The following GDAP1 variants were observed in gnomAD, a reference collection of about 807,000 sequenced individuals.
GDAP1 encodes the protein ganglioside induced differentiation associated protein 1.
Under a neutral mutation model 40.1 loss-of-function variants are expected in GDAP1, and 34 were observed. The ratio of observed to expected loss-of-function variants is 0.85; its 90% CI spans 0.64 to 1.13. The LOEUF is 1.13. Among genes scored for constraint, GDAP1 ranks in the 50% most tolerant of loss-of-function variants. The pLI is 0.00. For synonymous variants in GDAP1, 170 were observed against 157.4 expected (o/e 1.08, Z -0.60); for missense variants, 374 against 433.7 (o/e 0.86, Z 1.22).
chr8:74,407,358 G>T (rs1312470656), intron 2 of GDAP1, among the ~76,000 whole-genome samples: 2 of 149,856 alleles, frequency 1.3e-5, no homozygotes, highest in Admixed American at 6.6e-5. Context: ...TAACATTTGA[G>T]TCCGTTTACT....
chr8:74,372,660 A>G (rs1295527712), intron 2 of GDAP1, among the ~76,000 whole-genome samples: 2 of 152,054 alleles, frequency 1.3e-5, no homozygotes, highest in Non-Finnish European at 2.9e-5. Context: ...TAGATTCTGG[A>G]TATTAGCCCT....
At chr8:74,464,205 A>T (rs1298402419) in intron 2 of GDAP1, among the ~76,000 whole-genome samples, 1 of 152,214 alleles carries the variant, frequency 6.6e-6, no homozygotes, top group Non-Finnish European at 1.5e-5. Context: ...TGGAATGATT[A>T]GTCAAAGTAG....
intron 4 of GDAP1, 61 bp from the exon 5 acceptor site, chr8:74,362,878 G>T: frequency 4.6e-6 from 3 of 654,904 alleles, no homozygotes; most frequent in Non-Finnish European, 8.4e-6. Flanking sequence ...GCTTTACCTA[G>T]ATTTATTTTT....
At chr8:74,460,627 G>T (rs1295181522) in intron 2 of GDAP1, among the ~76,000 whole-genome samples, 1 of 152,178 alleles carries the variant, frequency 6.6e-6, no homozygotes, top group Non-Finnish European at 1.5e-5. Flanking sequence ...AGGGAGTAAA[G>T]GAGGGCCCAG....
intron 2 of GDAP1, among the ~76,000 whole-genome samples, chr8:74,393,249 A>G (rs1810139134): frequency 6.6e-6 from 1 of 152,296 alleles, no homozygotes; most frequent in South Asian, 2.1e-4. Flanking sequence ...CACAAAAAGA[A>G]CCTGGCAATT....
intron 2 of GDAP1, among the ~76,000 whole-genome samples, chr8:74,416,179 C>T (rs1805775672): frequency 6.7e-6 from 1 of 149,948 alleles, no homozygotes; most frequent in Admixed American, 6.6e-5. Context: ...ACTTATTGTG[C>T]CATATGTGGG....
chr8:74,390,839 C>G (rs1810097553), intron 2 of GDAP1, among the ~76,000 whole-genome samples: 1 of 152,190 alleles, frequency 6.6e-6, no homozygotes, highest in Non-Finnish European at 1.5e-5. Flanking sequence ...ATCTATAAGC[C>G]CGTTACTGGG....
chr8:74,427,893 ATAATTT>A (rs1805968741), intron 2 of GDAP1, among the ~76,000 whole-genome samples: 1 of 152,218 alleles, frequency 6.6e-6, no homozygotes, highest in African/African-American at 2.4e-5. Context: ...ATTTTTAAAA[ATAATTT>A]TAAAATTTAG....
In GDAP1 at chr8:74,440,226, T is replaced by G. The variant is rs150892411; in HGVS notation, c.166-48452T>G. On this transcript the variant is annotated intron_variant, in intron 2 of 2. Coordinates refer to the GDAP1 transcript ENST00000523640. Reference sequence around the variant, plus strand: ...GCATGAGTTTGGAGCCATTTTTACATTGGTCACTAAGTCTGGAGGATTCCT... The same window carrying G: ...GCATGAGTTTGGAGCCATTTTTACAGTGGTCACTAAGTCTGGAGGATTCCT... Among the ~76,000 whole-genome samples the G allele has an allele frequency of 2.5e-3, 387 of 152,278 alleles. 1 individual carries two copies. Among genetic ancestry groups the G allele is most frequent in the African/African-American group, 8.3e-3 (344 of 41,556 alleles).
chr8:74,379,806 T>A (rs1325088944), intron 2 of GDAP1, among the ~76,000 whole-genome samples: 1 of 152,152 alleles, frequency 6.6e-6, no homozygotes, highest in African/African-American at 2.4e-5. Flanking sequence ...TGCCCAAGAA[T>A]GACACGTATC....
chr8:74,360,327 A>G lies in GDAP1; in HGVS notation c.484+17A>G. The G allele has an allele frequency of 6.2e-7, 1 of 1,601,558 alleles. No homozygotes were observed. The highest frequency in any genetic ancestry group is 8.6e-7 in the Non-Finnish European group (1 of 1,168,502). On this transcript the variant is annotated intron_variant, in intron 3 of 5. Transcript: ENST00000220822. The stretch of plus-strand genomic sequence containing the variant: ...GGATTCGTAGTATGTAAACATTTTA[A>G]AGACCTGGAATTCTGTCTGACACTT...
intron 3 of GDAP1, among the ~76,000 whole-genome samples, chr8:74,360,890 G>A (rs1240268634): frequency 6.6e-6 from 1 of 152,190 alleles, no homozygotes; most frequent in Admixed American, 6.5e-5. Flanking sequence ...GAGATAAGAA[G>A]GGAAAGGATT....
At position 74,382,376 on chromosome 8, in the gene GDAP1, G is replaced by GT. The variant is rs5892456; in HGVS notation, c.165+31068dup. Reference sequence around the variant, plus strand: ...ATAGGAAGTTTCCTCATTGCTAGTGGTTTTTTTTTTTTTCTAGATCTTTTC... The same window carrying GT: ...ATAGGAAGTTTCCTCATTGCTAGTGGTTTTTTTTTTTTTTCTAGATCTTTTC... On this transcript the variant is annotated intron_variant, in intron 2 of 2. Coordinates refer to the GDAP1 transcript ENST00000523640. Among the ~76,000 whole-genome samples, 844 of 141,928 alleles carry GT rather than the reference G, an allele frequency of 5.9e-3. 9 individuals carry two copies. Among genetic ancestry groups the GT allele is most frequent in the Middle Eastern group, 0.015 (4 of 268 alleles). 93.1% of individuals were successfully genotyped at this position (141,928 alleles called of 152,430 possible).
chr8:74,469,015 A>C (rs980918028), intron 2 of GDAP1, among the ~76,000 whole-genome samples: 15 of 152,138 alleles, frequency 9.9e-5, no homozygotes, highest in African/African-American at 3.6e-4. Flanking sequence ...CAGGGAGATG[A>C]TTATATGATT....
intron 2 of GDAP1, among the ~76,000 whole-genome samples, chr8:74,381,362 A>G (rs558441825): frequency 6.5e-4 from 99 of 152,314 alleles, no homozygotes; most frequent in African/African-American, 2.2e-3. Flanking sequence ...GTACAACCAT[A>G]ATGTTATGCA....
intron 2 of GDAP1, among the ~76,000 whole-genome samples, chr8:74,477,596 C>G (rs573286045): frequency 6.6e-6 from 1 of 152,152 alleles, no homozygotes; most frequent in East Asian, 1.9e-4. Context: ...ATTCTCTAAC[C>G]CTGGGGTACT....
chr8:74,406,366 T>C (rs981519624), intron 2 of GDAP1, among the ~76,000 whole-genome samples: 11 of 150,354 alleles, frequency 7.3e-5, no homozygotes, highest in Admixed American at 6.6e-4. Context: ...CAACACTGTT[T>C]GTTTTATGTG....
At chr8:74,467,696 G>A (rs1052892909) in intron 2 of GDAP1, among the ~76,000 whole-genome samples, 11 of 152,172 alleles carry the variant, frequency 7.2e-5, no homozygotes, top group African/African-American at 2.7e-4. Flanking sequence ...TACCTATGGA[G>A]TGAATAGCCA....
At chr8:74,380,146 T>A (rs1190400637) in intron 2 of GDAP1, among the ~76,000 whole-genome samples, 1 of 151,946 alleles carries the variant, frequency 6.6e-6, no homozygotes, top group African/African-American at 2.4e-5. Context: ...AGCCAGCTGA[T>A]GATGCTTGTG....
Sources: allele counts gnomAD v4.1 joint callset (sites outside exome capture counted in the v4.1 genomes callset), GRCh38; gene constraint gnomAD v4.1.1; transcripts MANE v1.5; gene names NCBI Gene and HGNC (gene_info 2026-07-23, HGNC 2026-07-21).